The following DCUN1D5 variants were observed in gnomAD, a reference collection of about 807,000 sequenced individuals.
The protein encoded by DCUN1D5 is DCN1-like protein 5.
A neutral mutation model predicts 38.3 loss-of-function variants in DCUN1D5; 10 were observed. The ratio of observed to expected loss-of-function variants is 0.26; its 90% CI spans 0.16 to 0.44. The LOEUF (loss-of-function observed/expected upper bound fraction) is 0.44. DCUN1D5 is among the 20% of genes least tolerant of loss of function. The probability of loss-of-function intolerance (pLI) is 1.00; values close to 1 mark genes in which losing one functional copy is unlikely to be tolerated. For missense variants in DCUN1D5, 148 were observed against 275.3 expected (o/e 0.54, Z 3.27); for synonymous variants, 93 against 90.9 (o/e 1.02, Z -0.13).
Position 103,082,850 on chromosome 11 carries a change from C to G in DCUN1D5, c.250-11G>C, listed in dbSNP as rs781478090. On this transcript the variant is annotated splice_polypyrimidine_tract_variant and intron_variant, in intron 3 of 7. Coordinates refer to ENST00000260247, the MANE Select transcript of DCUN1D5 (RefSeq NM_032299.4). Reference sequence around the variant, plus strand: ...AACTAACATAATAATCTGGAAAGAACAGAACATAAAGGATAGGGGAAAAGT... The same window carrying G: ...AACTAACATAATAATCTGGAAAGAAGAGAACATAAAGGATAGGGGAAAAGT... 1.2e-6 allele frequency: 2 copies of G among 1,603,936 alleles called. No individual in the cohort carries two copies. Among genetic ancestry groups the G allele is most frequent in the Non-Finnish European group, 1.7e-6 (2 of 1,171,848 alleles).
rs370153214 is a variant in DCUN1D5 at position 103,060,864 on chromosome 11, C to T, written c.*1495G>A. ...ATAAATTTGATATTAAAACATCATT[C>T]ATAATATTAAATCCTAACACCACTG... On this transcript the variant is annotated 3_prime_UTR_variant, in exon 8 of 8. Transcript: ENST00000260247. Among the ~76,000 whole-genome samples the T allele has an allele frequency of 8.0e-4, 121 of 152,192 alleles. 4 individuals carry two copies. The South Asian group carries it at 0.024, about 30-fold the overall frequency.
rs57273859 is a variant in DCUN1D5 at position 103,053,346 on chromosome 11, CATT to C, written c.*9010_*9012del. ...GCAAGTAATACAAATCAGTGTGCATCATTGACATTACAGATTAATTTCCTAAGA... is the reference window on the plus strand; with the variant it reads ...GCAAGTAATACAAATCAGTGTGCATCGACATTACAGATTAATTTCCTAAGA... On this transcript the variant is annotated 3_prime_UTR_variant, in exon 8 of 8. Coordinates refer to ENST00000260247, the MANE Select transcript of DCUN1D5 (RefSeq NM_032299.4). This position sits in a 1 kb window ranked among gnomAD's most constrained non-coding sequence, Gnocchi z 4.8. 76,432 of 151,480 alleles carry C rather than the reference CATT, an allele frequency of 0.5. 20,615 individuals are homozygous for C. Among genetic ancestry groups the C allele is most frequent in the East Asian group, 0.59 (3,017 of 5,126 alleles). The allele number at this position is 151,480 out of a possible 1,614,324, so 9.4% of individuals were successfully genotyped here. A position where few individuals can be genotyped will look rare whatever the true frequency, so the allele number is the denominator to read the frequency against.
rs1171761982 is a variant in DCUN1D5, at chr11:103,059,044, G to A, written c.*3315C>T. Among the ~76,000 whole-genome samples, 1 of 151,844 alleles carries A rather than the reference G, an allele frequency of 6.6e-6. No homozygotes were observed. Among genetic ancestry groups the A allele is most frequent in the Non-Finnish European group, 1.5e-5 (1 of 67,954 alleles). ...AACATTAAGCTGTAAGAGCCTTGAA[G>A]GCCAGAACAAAGTTTTATCAGAGAT... On this transcript the variant is annotated 3_prime_UTR_variant, in exon 8 of 8. Coordinates refer to ENST00000260247, the MANE Select transcript of DCUN1D5 (RefSeq NM_032299.4).
In DCUN1D5 at chr11:103,055,556, T is replaced by C. The variant is rs531658842; in HGVS notation, c.*6803A>G. 1 of 152,312 alleles carries C rather than the reference T, an allele frequency of 6.6e-6. No homozygotes were observed. Among genetic ancestry groups the C allele is most frequent in the African/African-American group, 2.4e-5 (1 of 41,568 alleles). 9.4% of individuals were successfully genotyped at this position (152,312 alleles called of 1,614,324 possible). A position where few individuals can be genotyped will look rare whatever the true frequency, so the allele number is the denominator to read the frequency against. ...TTACATATTTGGCAACTATTATCAATCTTGCTTTTTAAATCTTAGTGCTTC... is the reference window on the plus strand; with the variant it reads ...TTACATATTTGGCAACTATTATCAACCTTGCTTTTTAAATCTTAGTGCTTC... On this transcript the variant is annotated 3_prime_UTR_variant, in exon 8 of 8. Transcript: ENST00000260247.
Position 103,057,341 on chromosome 11 carries a change from C to G in DCUN1D5, c.*5018G>C, listed in dbSNP as rs1024563937. 6.6e-6 allele frequency among the ~76,000 whole-genome samples: 1 copy of G among 152,076 alleles called. No individual in the cohort carries two copies. Among genetic ancestry groups the G allele is most frequent in the Non-Finnish European group, 1.5e-5 (1 of 67,998 alleles). ...ATGGTTCAAAGGCAATTGTTAGCAA[C>G]AGCAAATTTTTTTTTGACCTTCAAA... On this transcript the variant is annotated 3_prime_UTR_variant, in exon 8 of 8. Transcript: ENST00000260247. This position sits in a 1 kb window ranked among gnomAD's most constrained non-coding sequence, Gnocchi z 4.8.
chr11:103,079,138 G>C (rs1301473490), intron 4 of DCUN1D5, among the ~76,000 whole-genome samples: 1 of 152,170 alleles, frequency 6.6e-6, no homozygotes, highest in East Asian at 1.9e-4. Context: ...GTGCGTGCGA[G>C]GGATCTAGGT....
Position 103,073,635 on chromosome 11 carries a change from G to A in DCUN1D5, c.342-7068C>T, listed in dbSNP as rs1171605910. Among the ~76,000 whole-genome samples, 2 of 152,114 alleles carry A rather than the reference G, an allele frequency of 1.3e-5. No individual in the cohort carries two copies. Among genetic ancestry groups the A allele is most frequent in the African/African-American group, 4.8e-5 (2 of 41,406 alleles). ...CACAAATATGTCCAACATTTACATAGCTTTTACAGAAATTAATTCAAAATG... is the reference window on the plus strand; with the variant it reads ...CACAAATATGTCCAACATTTACATAACTTTTACAGAAATTAATTCAAAATG... On this transcript the variant is annotated intron_variant, in intron 4 of 7. Transcript: ENST00000260247. The surrounding 1 kb of genome is among the most constrained non-coding windows in gnomAD (Gnocchi z 4.2).
At position 103,087,794 on chromosome 11, in the gene DCUN1D5, G is replaced by A. The variant is rs1046413171; in HGVS notation, c.178+1433C>T. Among the ~76,000 whole-genome samples, 15 of 151,674 alleles carry A rather than the reference G, an allele frequency of 9.9e-5. No homozygotes were observed. Among genetic ancestry groups the A allele is most frequent in the African/African-American group, 3.7e-4 (15 of 41,000 alleles). On this transcript the variant is annotated intron_variant, in intron 2 of 7. Coordinates refer to ENST00000260247, the MANE Select transcript of DCUN1D5 (RefSeq NM_032299.4). This position sits in a 1 kb window ranked among gnomAD's most constrained non-coding sequence, Gnocchi z 4.1. ...AAAAATGCTAATATAGTAAACAAAT[G>A]TTTAATTAGAATCTTACACTACCTA...
rs1862149517 is a variant in DCUN1D5, at chr11:103,066,976, C to T, written c.342-409G>A. Among the ~76,000 whole-genome samples, 1 of 152,132 alleles carries T rather than the reference C, an allele frequency of 6.6e-6. No homozygotes were observed. The highest frequency in any genetic ancestry group is 2.4e-5 in the African/African-American group (1 of 41,438). ...ATTTCTTTAGAAAGTTCGTAGGTAACAGTTTGGTGAAAGACATTAGTCATG... is the reference window on the plus strand; with the variant it reads ...ATTTCTTTAGAAAGTTCGTAGGTAATAGTTTGGTGAAAGACATTAGTCATG... On this transcript the variant is annotated intron_variant, in intron 4 of 7. Coordinates refer to ENST00000260247, the MANE Select transcript of DCUN1D5 (RefSeq NM_032299.4). This position sits in a 1 kb window ranked among gnomAD's most constrained non-coding sequence, Gnocchi z 4.7.
chr11:103,078,654 A>T lies in DCUN1D5; in HGVS notation c.341+4094T>A, dbSNP rs1278441957. Among the ~76,000 whole-genome samples the T allele has an allele frequency of 6.6e-6, 1 of 152,194 alleles. No homozygotes were observed. Among genetic ancestry groups the T allele is most frequent in the Non-Finnish European group, 1.5e-5 (1 of 68,040 alleles). On this transcript the variant is annotated intron_variant, in intron 4 of 7. Transcript: ENST00000260247. The surrounding 1 kb of genome is among the most constrained non-coding windows in gnomAD (Gnocchi z 4.6). ...CACTCTACAGTGAAGCCATCACTCA[A>T]AATATTAGAATTCAAAACCTATCCT...
rs1862108399 is a variant in DCUN1D5 at position 103,065,340 on chromosome 11, A to T, written c.555+929T>A. Among the ~76,000 whole-genome samples the T allele has an allele frequency of 6.6e-6, 1 of 152,078 alleles. No individual in the cohort carries two copies. Among genetic ancestry groups the T allele is most frequent in the South Asian group, 2.1e-4 (1 of 4,818 alleles). ...CTAATTTTTTGTGTGTATTTTTAGT[A>T]GAGACGGGGATTCACCATGTTGGCC... is the stretch of plus-strand genomic sequence containing the variant. On this transcript the variant is annotated intron_variant, in intron 6 of 7. Coordinates refer to ENST00000260247, the MANE Select transcript of DCUN1D5 (RefSeq NM_032299.4). This position sits in a 1 kb window ranked among gnomAD's most constrained non-coding sequence, Gnocchi z 4.6.
In DCUN1D5 at chr11:103,055,474, A is replaced by G. The variant is rs749066135; in HGVS notation, c.*6885T>C. 9 of 152,176 alleles carry G rather than the reference A, an allele frequency of 5.9e-5. No individual in the cohort carries two copies. The highest frequency in any genetic ancestry group is 1.3e-4 in the Non-Finnish European group (9 of 68,018). The allele number at this position is 152,176 out of a possible 1,614,324, so 9.4% of individuals were successfully genotyped here. A position where few individuals can be genotyped will look rare whatever the true frequency, so the allele number is the denominator to read the frequency against. ...TAAAAAACTGTATTACTTCAAAACA[A>G]AAACTTTATTCCAAGAATAAAGTGA... On this transcript the variant is annotated 3_prime_UTR_variant, in exon 8 of 8. Transcript: ENST00000260247.
Position 103,091,665 on chromosome 11 carries a change from T to G in DCUN1D5, c.86+122A>C. 1 of 1,583,620 alleles carries G rather than the reference T, an allele frequency of 6.3e-7. No homozygotes were observed. The highest frequency in any genetic ancestry group is 8.6e-7 in the Non-Finnish European group (1 of 1,164,756). On this transcript the variant is annotated intron_variant, in intron 1 of 7. Transcript: ENST00000260247. The surrounding 1 kb of genome is among the most constrained non-coding windows in gnomAD (Gnocchi z 4.3). ...CGGTGTTCGGCACCTACAGCCTAGC[T>G]CGATCAAAGGGGCCTCACCTGTCTC... is the stretch of plus-strand genomic sequence containing the variant.
rs1862470743 is a variant in DCUN1D5 at position 103,078,624 on chromosome 11, TA to T, written c.341+4123del. 6.6e-6 allele frequency among the ~76,000 whole-genome samples: 1 copy of T among 152,262 alleles called. No individual in the cohort carries two copies. On this transcript the variant is annotated intron_variant, in intron 4 of 7. Coordinates refer to ENST00000260247, the MANE Select transcript of DCUN1D5 (RefSeq NM_032299.4). The surrounding 1 kb of genome is among the most constrained non-coding windows in gnomAD (Gnocchi z 4.6). Reference sequence around the variant, plus strand: ...ATTTAAACTCTCTCAACGTATTAGCTAAAGCACTCTACAGTGAAGCCATCAC... The same window carrying T: ...ATTTAAACTCTCTCAACGTATTAGCTAAGCACTCTACAGTGAAGCCATCAC...
In DCUN1D5 at chr11:103,062,735, T is replaced by C. The variant is rs1176908149; in HGVS notation, c.659-321A>G. Among the ~76,000 whole-genome samples, 1 of 152,076 alleles carries C rather than the reference T, an allele frequency of 6.6e-6. No homozygotes were observed. On this transcript the variant is annotated intron_variant, in intron 7 of 7. Transcript: ENST00000260247. This position sits in a 1 kb window ranked among gnomAD's most constrained non-coding sequence, Gnocchi z 4.6. The stretch of plus-strand genomic sequence containing the variant: ...TCTGGCATTTAATTATGAAACAATC[T>C]GAAAAGTGTTGAAGGTAATATTTCT...
rs558669724 is a variant in DCUN1D5, at chr11:103,092,124, C to G, written c.-252G>C. The G allele has an allele frequency of 1.2e-3, 532 of 448,922 alleles. 6 individuals are homozygous for G. Among genetic ancestry groups the G allele is most frequent in the Middle Eastern group, 2.4e-3 (4 of 1,682 alleles). 27.8% of individuals were successfully genotyped at this position (448,922 alleles called of 1,614,324 possible). On this transcript the variant is annotated 5_prime_UTR_variant, in exon 1 of 8. Coordinates refer to ENST00000260247, the MANE Select transcript of DCUN1D5 (RefSeq NM_032299.4). ...GTTCGTTCTCACCGGGAGGAGATAA[C>G]GCGGACAGCGCGGCAGCTCCACCAG... is the stretch of plus-strand genomic sequence containing the variant.
rs190486304 is a variant in DCUN1D5 at position 103,086,459 on chromosome 11, G to C, written c.178+2768C>G. 2.7e-4 allele frequency among the ~76,000 whole-genome samples: 41 copies of C among 152,216 alleles called. 2 individuals carry two copies. The highest frequency in any genetic ancestry group is 2.2e-3 in the Admixed American group (33 of 15,280). On this transcript the variant is annotated intron_variant, in intron 2 of 7. Transcript: ENST00000260247. The surrounding 1 kb of genome is among the most constrained non-coding windows in gnomAD (Gnocchi z 4.1). Reference sequence around the variant, plus strand: ...GTTACTGTTTATTTGGCAAACAAATGGTTCCTCCCTAATCAGGTCTCTGCA... The same window carrying C: ...GTTACTGTTTATTTGGCAAACAAATCGTTCCTCCCTAATCAGGTCTCTGCA...
Position 103,056,901 on chromosome 11 carries a change from G to C in DCUN1D5, c.*5458C>G, listed in dbSNP as rs1182897121. Among the ~76,000 whole-genome samples, 1 of 152,152 alleles carries C rather than the reference G, an allele frequency of 6.6e-6. No homozygotes were observed. The highest frequency in any genetic ancestry group is 2.4e-5 in the African/African-American group (1 of 41,430). On this transcript the variant is annotated 3_prime_UTR_variant, in exon 8 of 8. Coordinates refer to ENST00000260247, the MANE Select transcript of DCUN1D5 (RefSeq NM_032299.4). This position sits in a 1 kb window ranked among gnomAD's most constrained non-coding sequence, Gnocchi z 4.9. The stretch of plus-strand genomic sequence containing the variant: ...CATTTAACACCTACTAAGTGCTGTG[G>C]ATAGGGCCTATTTGAACTTCGTAAC...
rs1862014259 is a variant in DCUN1D5, at chr11:103,061,684, T to C, written c.*675A>G. ...AATATGCTATTATCAACAATAATAA[T>C]GATGATACAACTTAATAATACAACT... On this transcript the variant is annotated 3_prime_UTR_variant, in exon 8 of 8. Coordinates refer to ENST00000260247, the MANE Select transcript of DCUN1D5 (RefSeq NM_032299.4). Among the ~76,000 whole-genome samples the C allele has an allele frequency of 6.6e-6, 1 of 151,014 alleles. No homozygotes were observed. The highest frequency in any genetic ancestry group is 2.4e-5 in the African/African-American group (1 of 41,102).
Sources: allele counts gnomAD v4.1 joint callset (sites outside exome capture counted in the v4.1 genomes callset), GRCh38; gene constraint gnomAD v4.1.1; non-coding constraint Gnocchi (gnomAD v3.1); transcripts MANE v1.5; gene names NCBI Gene and HGNC (gene_info 2026-07-23, HGNC 2026-07-21).